The following GNB1L variants were observed in gnomAD, a reference collection of about 807,000 sequenced individuals.
GNB1L encodes the protein G protein subunit beta 1 like, also known as guanine nucleotide-binding protein subunit beta-like protein 1.
In GNB1L, 20 loss-of-function variants were observed where a neutral mutation model predicts 29.1. The observed-to-expected ratio is 0.69, with a 90% confidence interval of 0.48 to 1.00. The LOEUF (loss-of-function observed/expected upper bound fraction) is 1.00, where lower values mean the gene tolerates loss of function less well. GNB1L is among the 50% of genes least tolerant of loss of function. GNB1L has a pLI of 0.00. For missense variants in GNB1L, 421 were observed against 464.9 expected (o/e 0.91, Z 0.87); for synonymous variants, 193 against 206.5 (o/e 0.93, Z 0.56).
At chr22:19,850,812 G>T in intron 2 of GNB1L, 1 of 1,294,170 alleles carries the variant, frequency 7.7e-7, no homozygotes. Flanking sequence ...CACCAAGGGG[G>T]GTGTTTTATG....
intron 7 of GNB1L, chr22:19,792,422 G>A: frequency 3.8e-6 from 6 of 1,562,880 alleles, no homozygotes; most frequent in South Asian, 2.2e-5. Context: ...GCATCGGACA[G>A]GACATCCAGC....
intron 2 of GNB1L, among the ~76,000 whole-genome samples, chr22:19,828,487 T>C (rs185719726): frequency 4.7e-4 from 71 of 152,146 alleles, no homozygotes; most frequent in African/African-American, 1.6e-3. Context: ...AGATTCCATC[T>C]CTCAAAACAA....
rs979257623 is a variant in GNB1L at position 19,788,565 on chromosome 22, C to T, written c.*144G>A. The T allele has an allele frequency of 9.5e-7, 1 of 1,056,338 alleles. No individual in the cohort carries two copies. The highest frequency in any genetic ancestry group is 1.6e-5 in the African/African-American group (1 of 64,388). 65.4% of individuals were successfully genotyped at this position (1,056,338 alleles called of 1,614,324 possible). The stretch of plus-strand genomic sequence containing the variant: ...GGCACTCCACAAAAGGAAATACCAA[C>T]CTCATGAAGACAGCGGGGACTCCAT... On this transcript the variant is annotated 3_prime_UTR_variant, in exon 8 of 8. Transcript: ENST00000329517.
chr22:19,820,914 G>A (rs887438563), intron 3 of GNB1L, among the ~76,000 whole-genome samples, 191 bp from the exon 4 acceptor site: 64 of 152,350 alleles, frequency 4.2e-4, no homozygotes, highest in Middle Eastern at 3.4e-3. Context: ...GAGGGGACCG[G>A]GGGACCCTCA....
At chr22:19,849,704 G>GT (rs1938050345) in intron 2 of GNB1L, 2 of 985,350 alleles carry the variant, frequency 2.0e-6, no homozygotes, top group Middle Eastern at 5.2e-4. Context: ...TTGCTAATTA[G>GT]TTTTTCCTAA....
At chr22:19,792,969 T>C in intron 7 of GNB1L, 1 of 1,469,342 alleles carries the variant, frequency 6.8e-7, no homozygotes, top group East Asian at 2.3e-5. Flanking sequence ...CAGGACCAAT[T>C]ACAATGACAG....
At chr22:19,818,735 C>T (rs943825035) in intron 4 of GNB1L, among the ~76,000 whole-genome samples, 14 of 152,304 alleles carry the variant, frequency 9.2e-5, no homozygotes, top group African/African-American at 3.1e-4. Context: ...GGTGATGGCA[C>T]GGAGTTCCCT....
In GNB1L at chr22:19,837,723, C is replaced by T. The variant is rs180982696; in HGVS notation, c.-20-16348G>A. Among the ~76,000 whole-genome samples the T allele has an allele frequency of 7.9e-5, 12 of 152,292 alleles. No homozygotes were observed. The East Asian group carries it at 2.3e-3, about 29-fold the overall frequency. On this transcript the variant is annotated intron_variant, in intron 2 of 7. Coordinates refer to ENST00000329517, the MANE Select transcript of GNB1L (RefSeq NM_053004.3). Reference sequence around the variant, plus strand: ...TCACATACTGGAGACAACCCAAATGCCCATCAACAGCAGAAGAAACAGAGC... The same window carrying T: ...TCACATACTGGAGACAACCCAAATGTCCATCAACAGCAGAAGAAACAGAGC...
At chr22:19,802,684 G>T (rs1021821281) in intron 6 of GNB1L, among the ~76,000 whole-genome samples, 1 of 152,232 alleles carries the variant, frequency 6.6e-6, no homozygotes, top group African/African-American at 2.4e-5. Context: ...ACTTACTGGG[G>T]CTGGTCACCT....
intron 5 of GNB1L, among the ~76,000 whole-genome samples, chr22:19,809,839 A>G (rs912603084): frequency 6.6e-6 from 1 of 152,248 alleles, no homozygotes; most frequent in Non-Finnish European, 1.5e-5. Flanking sequence ...GGCTGGTGCC[A>G]TCACAGCTCA....
Position 19,788,509 on chromosome 22 carries a change from GC to G in GNB1L, c.*199del. On this transcript the variant is annotated 3_prime_UTR_variant, in exon 8 of 8. Coordinates refer to ENST00000329517, the MANE Select transcript of GNB1L (RefSeq NM_053004.3). ...CAGGCCTCGGACGGCCAGGGCTCTGGCTGGCCCCCAGAGTCACCGTCCTGTG... is the reference window on the plus strand; with the variant it reads ...CAGGCCTCGGACGGCCAGGGCTCTGGTGGCCCCCAGAGTCACCGTCCTGTG... 1.4e-6 allele frequency: 1 copy of G among 733,132 alleles called. No homozygotes were observed. Among genetic ancestry groups the G allele is most frequent in the Non-Finnish European group, 2.5e-6 (1 of 408,152 alleles). 45.4% of individuals were successfully genotyped at this position (733,132 alleles called of 1,614,324 possible). A position where few individuals can be genotyped will look rare whatever the true frequency, so the allele number is the denominator to read the frequency against.
At position 19,843,278 on chromosome 22, in the gene GNB1L, C is replaced by T. The variant is rs577483033; in HGVS notation, c.-21+11165G>A. 1.5e-3 allele frequency among the ~76,000 whole-genome samples: 224 copies of T among 152,388 alleles called. 1 individual carries two copies. The highest frequency in any genetic ancestry group is 6.8e-3 in the Middle Eastern group (2 of 294). On this transcript the variant is annotated intron_variant, in intron 2 of 7. Coordinates refer to ENST00000329517, the MANE Select transcript of GNB1L (RefSeq NM_053004.3). Reference sequence around the variant, plus strand: ...AGTATCACGGCTGGGCATCTGTCAACGCCCCGACTGGCGACCTTCGATTCA... The same window carrying T: ...AGTATCACGGCTGGGCATCTGTCAATGCCCCGACTGGCGACCTTCGATTCA...
At chr22:19,833,415 C>T (rs757429810) in intron 2 of GNB1L, among the ~76,000 whole-genome samples, 1 of 152,140 alleles carries the variant, frequency 6.6e-6, no homozygotes, top group East Asian at 1.9e-4. Context: ...GACAGAGTGA[C>T]ATAAAGTGGG....
intron 2 of GNB1L, among the ~76,000 whole-genome samples, chr22:19,831,766 A>G (rs887886912): frequency 2.6e-5 from 4 of 151,938 alleles, no homozygotes; most frequent in African/African-American, 7.2e-5. Flanking sequence ...TTAAAAATTA[A>G]TATCTTTAAA....
intron 2 of GNB1L, among the ~76,000 whole-genome samples, chr22:19,829,453 C>T (rs1937649886): frequency 6.6e-6 from 1 of 152,038 alleles, no homozygotes; most frequent in Non-Finnish European, 1.5e-5. Flanking sequence ...TTAAAAACAA[C>T]TTTTAGGTGA....
intron 2 of GNB1L, among the ~76,000 whole-genome samples, chr22:19,828,423 G>A (rs2145887699): frequency 6.6e-6 from 1 of 152,298 alleles, no homozygotes; most frequent in East Asian, 1.9e-4. Context: ...GGGAGGCTGA[G>A]GTGGAAGGAT....
intron 7 of GNB1L, chr22:19,793,101 A>G (rs1174635300): frequency 3.5e-6 from 5 of 1,436,520 alleles, no homozygotes; most frequent in Non-Finnish European, 4.8e-6. Context: ...TTAAATGTAC[A>G]CTGTTGAGTT....
intron 2 of GNB1L, among the ~76,000 whole-genome samples, chr22:19,825,481 G>T (rs1937613245): frequency 1.3e-5 from 2 of 151,960 alleles, no homozygotes; most frequent in African/African-American, 4.8e-5. Context: ...AATTAGCCAG[G>T]TGTGGTGGTG....
intron 7 of GNB1L, among the ~76,000 whole-genome samples, chr22:19,791,330 A>G (rs1010708293): frequency 6.6e-6 from 1 of 152,230 alleles, no homozygotes; most frequent in Non-Finnish European, 1.5e-5. Flanking sequence ...TAATTGAGAA[A>G]CTGGTACCAG....
Sources: gnomAD v4.1 joint callset for allele counts (sites outside exome capture counted in the v4.1 genomes callset) on GRCh38, gnomAD v4.1.1 for gene constraint, MANE v1.5 for transcripts, NCBI Gene and HGNC (gene_info 2026-07-23, HGNC 2026-07-21) for gene names.